The following NAV3 variants were observed in gnomAD, a reference collection of about 807,000 sequenced individuals.
NAV3 encodes the protein pore membrane and/or filament interacting like protein 1.
Under a neutral mutation model 244.7 loss-of-function variants are expected in NAV3, and 87 were observed. The ratio of observed to expected loss-of-function variants is 0.36; its 90% CI spans 0.30 to 0.42. The LOEUF (loss-of-function observed/expected upper bound fraction) is 0.42. Ranked by LOEUF, NAV3 falls within the 20% of genes least tolerant of loss-of-function variation. NAV3 has a pLI of 1.00. For missense variants in NAV3, 2,663 were observed against 2,893.3 expected (o/e 0.92, Z 1.83); for synonymous variants, 1,126 against 1,042.2 (o/e 1.08, Z -1.55).
intron 2 of NAV3, among the ~76,000 whole-genome samples, chr12:77,586,866 C>A (rs910717422): frequency 1.3e-5 from 2 of 152,058 alleles, no homozygotes; most frequent in Admixed American, 1.3e-4. Context: ...CAATAGGCTG[C>A]TGAAATGTTC....
intron 38 of NAV3, among the ~76,000 whole-genome samples, chr12:78,204,695 CCCCA>C (rs1960100672): frequency 6.6e-6 from 1 of 151,968 alleles, no homozygotes; most frequent in African/African-American, 2.4e-5. Flanking sequence ...GTATATTCTC[CCCCA>C]AAAGTTGACA....
In NAV3 at chr12:78,177,608, A is replaced by G. The variant is rs769098907; in HGVS notation, c.5298-12A>G. Reference sequence around the variant, plus strand: ...TTTGTCCATGTATCTGTCTAACTGTATGTACATACAGGTCACCCCTTGTCT... The same window carrying G: ...TTTGTCCATGTATCTGTCTAACTGTGTGTACATACAGGTCACCCCTTGTCT... On this transcript the variant is annotated splice_polypyrimidine_tract_variant and intron_variant, in intron 27 of 39. Coordinates refer to ENST00000397909, the MANE Select transcript of NAV3 (RefSeq NM_001024383.2). 1.9e-5 allele frequency: 30 copies of G among 1,596,048 alleles called. No homozygotes were observed. Among genetic ancestry groups the G allele is most frequent in the African/African-American group, 5.3e-5 (4 of 74,802 alleles).
At chr12:78,117,789 TA>T (rs1955486001) in intron 13 of NAV3, among the ~76,000 whole-genome samples, 1 of 152,156 alleles carries the variant, frequency 6.6e-6, no homozygotes, top group African/African-American at 2.4e-5. Flanking sequence ...ACATTTGATA[TA>T]GAAAATTTCT....
At chr12:77,835,904 G>C (rs1033685505) in intron 1 of NAV3, among the ~76,000 whole-genome samples, 1 of 152,258 alleles carries the variant, frequency 6.6e-6, no homozygotes, top group Admixed American at 6.5e-5. Flanking sequence ...CTTCCTGGGT[G>C]TCCCAATTTC....
intron 2 of NAV3, among the ~76,000 whole-genome samples, chr12:77,716,416 T>C (rs1876364236): frequency 6.6e-6 from 1 of 151,808 alleles, no homozygotes; most frequent in South Asian, 2.1e-4. Flanking sequence ...TAAAAATAAA[T>C]GGTACAAGTG....
At chr12:78,053,304 A>G (rs1883036585) in intron 11 of NAV3, among the ~76,000 whole-genome samples, 1 of 151,794 alleles carries the variant, frequency 6.6e-6, no homozygotes, top group African/African-American at 2.4e-5. Flanking sequence ...ACTCAATATC[A>G]TTATTCATGG....
In NAV3 at chr12:77,993,640, A is replaced by T. The variant is rs1053513686; in HGVS notation, c.672-1163A>T. Among the ~76,000 whole-genome samples, 5 of 152,140 alleles carry T rather than the reference A, an allele frequency of 3.3e-5. No homozygotes were observed. The South Asian group carries it at 6.2e-4, about 19-fold the overall frequency. ...AAGGACCTGCAAGCTCCCACCACCA[A>T]CTAGCTCAGTGTAGTAAAAGTTAAT... On this transcript the variant is annotated intron_variant, in intron 5 of 39. Transcript: ENST00000397909.
chr12:77,932,012 A>G (rs1439450205), intron 1 of NAV3, among the ~76,000 whole-genome samples: 1 of 152,048 alleles, frequency 6.6e-6, no homozygotes, highest in Non-Finnish European at 1.5e-5. Context: ...TTCACTGGGT[A>G]CCATGAGTGT....
intron 1 of NAV3, among the ~76,000 whole-genome samples, chr12:77,929,798 A>ATTTTTTTT (rs10602394): frequency 6.9e-4 from 73 of 105,982 alleles, no homozygotes; most frequent in African/African-American, 1.6e-3. Context: ...ACGGCCAGCT[A>ATTTTTTTT]TTTTTTTTTT....
At chr12:77,791,273 G>A (rs1246213477) in intron 2 of NAV3, among the ~76,000 whole-genome samples, 1 of 149,628 alleles carries the variant, frequency 6.7e-6, no homozygotes, top group Non-Finnish European at 1.5e-5. Flanking sequence ...AGAATTGCTT[G>A]AACCCGGGAG....
intron 2 of NAV3, among the ~76,000 whole-genome samples, chr12:77,741,148 C>CACAA (rs1868322365): frequency 1.5e-5 from 1 of 68,674 alleles, no homozygotes. Context: ...AAAAAAAAGA[C>CACAA]AAAAAAAAAA....
At chr12:77,958,179 A>C (rs1314245287) in intron 3 of NAV3, among the ~76,000 whole-genome samples, 2 of 152,238 alleles carry the variant, frequency 1.3e-5, no homozygotes, top group Non-Finnish European at 2.9e-5. Flanking sequence ...TGTAAGGGTC[A>C]GTATAAATAT....
At chr12:78,109,849 G>A (rs1954999320) in intron 12 of NAV3, among the ~76,000 whole-genome samples, 1 of 151,764 alleles carries the variant, frequency 6.6e-6, no homozygotes, top group Admixed American at 6.6e-5. Flanking sequence ...ATACAGAATG[G>A]GGCAAAGTTT....
intron 5 of NAV3, among the ~76,000 whole-genome samples, chr12:77,977,975 T>G (rs915904250): frequency 2.6e-5 from 4 of 152,084 alleles, no homozygotes; most frequent in Non-Finnish European, 1.5e-5. Flanking sequence ...TATCCAGTTA[T>G]TATAGTTTAA....
intron 5 of NAV3, among the ~76,000 whole-genome samples, chr12:77,991,795 G>A (rs1302583436): frequency 2.0e-5 from 3 of 152,186 alleles, no homozygotes; most frequent in African/African-American, 7.2e-5. Context: ...CACTTTGGGA[G>A]GCCGAGGTGA....
At chr12:77,973,413 A>G (rs537387632) in intron 5 of NAV3, among the ~76,000 whole-genome samples, 2 of 152,302 alleles carry the variant, frequency 1.3e-5, no homozygotes, top group South Asian at 4.1e-4. Flanking sequence ...TCTGCAGATG[A>G]TCATATGCCC....
rs117305669 is a variant in NAV3, at chr12:77,914,171, T to C, written c.244-26148T>C. 4.1e-4 allele frequency among the ~76,000 whole-genome samples: 63 copies of C among 152,228 alleles called. No homozygotes were observed. The East Asian group carries it at 0.01, about 25-fold the overall frequency. ...TATGTTTTGTACCAGTGCCAATTTT[T>C]AAACTGCCTTAAGAGAGAATCATCT... On this transcript the variant is annotated intron_variant, in intron 1 of 39. Transcript: ENST00000397909.
At chr12:77,583,591 C>A (rs1024505392) in intron 2 of NAV3, among the ~76,000 whole-genome samples, 2 of 152,108 alleles carry the variant, frequency 1.3e-5, no homozygotes, top group African/African-American at 4.8e-5. Flanking sequence ...TAAAGATGTA[C>A]CCAGACATTT....
chr12:77,958,794 A>C (rs1310101577), intron 3 of NAV3, among the ~76,000 whole-genome samples: 2 of 152,174 alleles, frequency 1.3e-5, no homozygotes, highest in Non-Finnish European at 2.9e-5. Flanking sequence ...ATAAAAGATA[A>C]ACCACAAGTA....
Sources: allele counts gnomAD v4.1 joint callset (sites outside exome capture counted in the v4.1 genomes callset), GRCh38; gene constraint gnomAD v4.1.1; transcripts MANE v1.5; gene names NCBI Gene and HGNC (gene_info 2026-07-23, HGNC 2026-07-21).